DPYD: variants seen among roughly 807,000 people sequenced by gnomAD.
The protein encoded by DPYD is dihydropyrimidine dehydrogenase [NADP(+)].
In DPYD, 109 loss-of-function variants were observed where a neutral mutation model predicts 116.2. The observed-to-expected ratio is 0.94, with a 90% CI of 0.80 to 1.10. The LOEUF (loss-of-function observed/expected upper bound fraction) is 1.10. Ranked by LOEUF, DPYD falls within the 50% of genes least tolerant of loss-of-function variation. The probability of loss-of-function intolerance (pLI) is 0.00; values close to 1 mark genes in which losing one functional copy is unlikely to be tolerated. For synonymous variants in DPYD, 440 were observed against 432.0 expected (o/e 1.02, Z -0.23); for missense variants, 1,302 against 1,254.5 (o/e 1.04, Z -0.57).
chr1:97,614,234 G>C (rs981275773), intron 8 of DPYD, among the ~76,000 whole-genome samples: 1 of 151,994 alleles, frequency 6.6e-6, no homozygotes, highest in Non-Finnish European at 1.5e-5. Flanking sequence ...ATTTACTAAA[G>C]AATAATTATA....
chr1:97,330,710 G>A (rs1042246776), intron 16 of DPYD, among the ~76,000 whole-genome samples: 1 of 152,002 alleles, frequency 6.6e-6, no homozygotes, highest in Non-Finnish European at 1.5e-5. Context: ...TAACCTTTTG[G>A]GAAAGTCACA....
At chr1:97,569,287 G>A (rs960171812) in intron 11 of DPYD, among the ~76,000 whole-genome samples, 13 of 151,372 alleles carry the variant, frequency 8.6e-5, no homozygotes, top group Admixed American at 2.6e-4. Flanking sequence ...ACAATAAATC[G>A]ATTAAACCTG....
chr1:97,611,606 A>G (rs574288153), intron 8 of DPYD, among the ~76,000 whole-genome samples: 54 of 152,020 alleles, frequency 3.6e-4, no homozygotes, highest in Non-Finnish European at 7.5e-4. Context: ...AACATTTCCA[A>G]TTCCACATCA....
chr1:97,262,038 C>A (rs1209265048), intron 18 of DPYD, among the ~76,000 whole-genome samples: 1 of 151,820 alleles, frequency 6.6e-6, no homozygotes, highest in Non-Finnish European at 1.5e-5. Flanking sequence ...ATATTACATC[C>A]TTTGGGGAGC....
chr1:97,166,548 G>A (rs893962585), intron 20 of DPYD, among the ~76,000 whole-genome samples: 2 of 152,052 alleles, frequency 1.3e-5, no homozygotes, highest in African/African-American at 4.8e-5. Context: ...ACCTGCACAT[G>A]TACTAAAATA....
At chr1:97,744,559 C>T (rs911889581) in intron 3 of DPYD, among the ~76,000 whole-genome samples, 1 of 152,014 alleles carries the variant, frequency 6.6e-6, no homozygotes, top group Non-Finnish European at 1.5e-5. Flanking sequence ...ATGGTTTCAT[C>T]AGGCTATGTA....
intron 5 of DPYD, among the ~76,000 whole-genome samples, chr1:97,712,876 T>C (rs1480911873): frequency 1.3e-5 from 2 of 152,138 alleles, no homozygotes; most frequent in Admixed American, 6.6e-5. Context: ...CTATTTTTTA[T>C]TAAACTTTCT....
intron 12 of DPYD, among the ~76,000 whole-genome samples, chr1:97,540,855 C>T (rs1401260518): frequency 6.6e-6 from 1 of 152,268 alleles, no homozygotes; most frequent in African/African-American, 2.4e-5. Context: ...CACACACACA[C>T]ATACTCATCA....
At chr1:97,527,763 C>T (rs1210897602) in intron 12 of DPYD, among the ~76,000 whole-genome samples, 1 of 143,598 alleles carries the variant, frequency 7.0e-6, no homozygotes, top group Non-Finnish European at 1.5e-5. Flanking sequence ...GTGGCATTTT[C>T]TCCTGATTTG....
intron 3 of DPYD, among the ~76,000 whole-genome samples, chr1:97,816,006 C>A (rs1668586348): frequency 6.6e-6 from 1 of 152,030 alleles, no homozygotes; most frequent in African/African-American, 2.4e-5. Flanking sequence ...CAGCTGTCAC[C>A]AAATAACATC....
At chr1:97,587,909 G>T (rs1340493788) in intron 10 of DPYD, among the ~76,000 whole-genome samples, 1 of 151,482 alleles carries the variant, frequency 6.6e-6, no homozygotes, top group East Asian at 1.9e-4. Context: ...GCTTTAACAT[G>T]GTCCTTTGAC....
intron 15 of DPYD, among the ~76,000 whole-genome samples, chr1:97,375,134 G>T (rs944921668): frequency 6.6e-6 from 1 of 151,322 alleles, no homozygotes; most frequent in East Asian, 1.9e-4. Flanking sequence ...AATTTTTCCA[G>T]TGCCGCGGTT....
At chr1:97,802,846 G>T (rs984175813) in intron 3 of DPYD, among the ~76,000 whole-genome samples, 6 of 151,682 alleles carry the variant, frequency 4.0e-5, no homozygotes, top group South Asian at 2.1e-4. Flanking sequence ...AGTTCTATTG[G>T]ATCCTATGTC....
intron 16 of DPYD, among the ~76,000 whole-genome samples, chr1:97,368,039 A>G (rs1671129620): frequency 6.6e-6 from 1 of 152,146 alleles, no homozygotes; most frequent in Non-Finnish European, 1.5e-5. Flanking sequence ...ATAGAATTAG[A>G]GAGGTGATTT....
At chr1:97,851,649 C>T (rs1431665969) in intron 2 of DPYD, among the ~76,000 whole-genome samples, 1 of 151,360 alleles carries the variant, frequency 6.6e-6, no homozygotes, top group African/African-American at 2.4e-5. Context: ...GTCCTCCAAA[C>T]TCAGCAAATA....
chr1:97,439,675 A>G (rs942581828), intron 14 of DPYD, among the ~76,000 whole-genome samples: 1 of 151,816 alleles, frequency 6.6e-6, no homozygotes, highest in African/African-American at 2.4e-5. Flanking sequence ...CTTTACCTTC[A>G]TTGATGTTCT....
intron 18 of DPYD, among the ~76,000 whole-genome samples, chr1:97,284,216 G>A (rs764012262): frequency 3.3e-5 from 5 of 151,962 alleles, no homozygotes; most frequent in Non-Finnish European, 7.4e-5. Context: ...AATGTTCATG[G>A]TATATATCTT....
chr1:97,694,448 G>A (rs1661189072), intron 6 of DPYD, among the ~76,000 whole-genome samples: 2 of 152,212 alleles, frequency 1.3e-5, no homozygotes, highest in East Asian at 3.8e-4. Context: ...AGATAAGTGG[G>A]TAGGGGAAAT....
chr1:97,294,050 T>C (rs1044123311), intron 18 of DPYD, among the ~76,000 whole-genome samples: 9 of 152,106 alleles, frequency 5.9e-5, no homozygotes, highest in African/African-American at 2.2e-4. Context: ...TCCCTGAAAC[T>C]TTCATAAATT....
Sources: gnomAD v4.1 joint callset for allele counts (sites outside exome capture counted in the v4.1 genomes callset) on GRCh38, gnomAD v4.1.1 for gene constraint, MANE v1.5 for transcripts, NCBI Gene and HGNC (gene_info 2026-07-23, HGNC 2026-07-21) for gene names.